The following KLF8 variants were observed in gnomAD, a reference collection of about 807,000 sequenced individuals.
KLF8 encodes the protein KLF transcription factor 8.
KLF8 carries 10 observed loss-of-function variants against 18.2 expected under a neutral mutation model. That is an observed-to-expected ratio of 0.55 (90% CI 0.34 to 0.93). The LOEUF is 0.93. Ranked by LOEUF, KLF8 falls within the 40% of genes least tolerant of loss-of-function variation. The pLI, the probability that KLF8 is intolerant of heterozygous loss-of-function variation, is 0.02. For synonymous variants in KLF8, 109 were observed against 97.3 expected (o/e 1.12, Z -0.71); for missense variants, 264 against 277.9 (o/e 0.95, Z 0.36).
At chrX:55,998,333 G>A in the KLF8 span, among the ~76,000 whole-genome samples, 1 of 111,318 alleles carries the variant, frequency 9.0e-6, no homozygotes, top group Admixed American at 9.4e-5. Flanking sequence ...GTGTCGGGCT[G>A]GGGGACGGTC....
chrX:56,049,068 G>T, the KLF8 span, among the ~76,000 whole-genome samples: 1 of 111,597 alleles, frequency 9.0e-6, no homozygotes, highest in Admixed American at 9.5e-5. Flanking sequence ...CTCTCTGTTT[G>T]TCTGTTATTA....
chrX:56,129,492 G>A, the KLF8 span, among the ~76,000 whole-genome samples: 12 of 111,403 alleles, frequency 1.1e-4, no homozygotes, highest in Admixed American at 9.5e-5. Context: ...AAATACAGGG[G>A]TAGAGGAAAC....
At chrX:56,238,438 G>A (rs1228625854) in intron 1 of KLF8, among the ~76,000 whole-genome samples, 1 of 111,897 alleles carries the variant, frequency 8.9e-6, no homozygotes, top group Non-Finnish European at 1.9e-5. Context: ...TCACACCATT[G>A]CACTCCAGCT....
the KLF8 span, among the ~76,000 whole-genome samples, chrX:56,118,867 A>C: frequency 8.9e-6 from 1 of 111,773 alleles, no homozygotes; most frequent in Admixed American, 9.5e-5. Flanking sequence ...TTGTATTTAT[A>C]TATTCATTTG....
the KLF8 span, among the ~76,000 whole-genome samples, chrX:56,176,818 C>G: frequency 1.8e-5 from 2 of 111,670 alleles, no homozygotes. Flanking sequence ...ATTCTTTTTT[C>G]TCTAAAGTTA....
At chrX:56,058,840 G>T in the KLF8 span, among the ~76,000 whole-genome samples, 1 of 111,682 alleles carries the variant, frequency 9.0e-6, no homozygotes, top group African/African-American at 3.3e-5. Flanking sequence ...ACAGTAGAAT[G>T]ATTTATAAGC....
intron 5 of KLF8, among the ~76,000 whole-genome samples, chrX:56,278,479 A>G (rs1162837197): frequency 9.0e-6 from 1 of 110,722 alleles, no homozygotes; most frequent in Non-Finnish European, 1.9e-5. Context: ...AAGCCTCACG[A>G]CTCTGAATGA....
chrX:56,022,742 A>G, the KLF8 span, among the ~76,000 whole-genome samples: 13 of 108,814 alleles, frequency 1.2e-4, 1 homozygote, highest in African/African-American at 2.7e-4. Flanking sequence ...GGGTAGAATG[A>G]GGTTGGAGCC....
At chrX:56,122,403 G>T in the KLF8 span, among the ~76,000 whole-genome samples, 1 of 110,949 alleles carries the variant, frequency 9.0e-6, no homozygotes, top group African/African-American at 3.3e-5. Context: ...CATAAAAATG[G>T]GAAATAAATG....
the KLF8 span, among the ~76,000 whole-genome samples, chrX:56,083,369 A>G: frequency 8.9e-6 from 1 of 112,210 alleles, no homozygotes; most frequent in Non-Finnish European, 1.9e-5. Flanking sequence ...TTGAATTCTA[A>G]GAAATTTAAG....
At chrX:55,961,308 T>G in the KLF8 span, 1 of 408,008 alleles carries the variant, frequency 2.5e-6, no homozygotes. Context: ...GGTGGACCTA[T>G]GTGGAGATGG....
At chrX:56,121,599 C>T in the KLF8 span, among the ~76,000 whole-genome samples, 4 of 42,497 alleles carry the variant, frequency 9.4e-5, no homozygotes, top group Non-Finnish European at 1.0e-4. Flanking sequence ...CTGCCTTCTT[C>T]AGCTTTTCTT....
chrX:56,158,831 A>T, the KLF8 span, among the ~76,000 whole-genome samples: 3 of 111,891 alleles, frequency 2.7e-5, no homozygotes, highest in African/African-American at 9.7e-5. Flanking sequence ...GTCAACTGCA[A>T]ACAGGGACAA....
At chrX:56,015,811 C>A in the KLF8 span, among the ~76,000 whole-genome samples, 14,196 of 110,895 alleles carry the variant, frequency 0.13, 1,633 homozygotes, top group African/African-American at 0.37. Context: ...ATAAGAGACC[C>A]CACAGGATTT....
the KLF8 span, among the ~76,000 whole-genome samples, chrX:56,046,693 G>A: frequency 4.5e-5 from 5 of 111,236 alleles, no homozygotes; most frequent in Non-Finnish European, 9.4e-5. Flanking sequence ...GTTTAAGGAG[G>A]CTAAACATAG....
At chrX:55,992,646 T>A in the KLF8 span, among the ~76,000 whole-genome samples, 2 of 112,209 alleles carry the variant, frequency 1.8e-5, no homozygotes, top group Non-Finnish European at 1.9e-5. Flanking sequence ...ATGTCATTGG[T>A]AGTTTGATAG....
the KLF8 span, among the ~76,000 whole-genome samples, chrX:56,165,910 C>T: frequency 3.3e-4 from 36 of 108,573 alleles, 1 homozygote; most frequent in Middle Eastern, 0.033. Context: ...GTTCAGAAAA[C>T]CATTTTAACT....
the KLF8 span, among the ~76,000 whole-genome samples, chrX:56,107,677 C>G: frequency 9.0e-6 from 1 of 111,507 alleles, no homozygotes; most frequent in Non-Finnish European, 1.9e-5. Flanking sequence ...TTGTGCTTCC[C>G]AGGTAGGTCG....
At chrX:55,970,359 T>C in the KLF8 span, among the ~76,000 whole-genome samples, 1 of 110,710 alleles carries the variant, frequency 9.0e-6, no homozygotes, top group Non-Finnish European at 1.9e-5. Context: ...AAAAAAAAAT[T>C]TGATAAAATT....
Sources: allele counts gnomAD v4.1 joint callset (sites outside exome capture counted in the v4.1 genomes callset), GRCh38; gene constraint gnomAD v4.1.1; transcripts MANE v1.5; gene names NCBI Gene and HGNC (gene_info 2026-07-23, HGNC 2026-07-21).